The following MFSD6 variants were observed in gnomAD, a reference collection of about 807,000 sequenced individuals.
MFSD6 encodes major facilitator superfamily domain-containing protein 6.
MFSD6 carries 26 observed loss-of-function variants against 56.3 expected under a neutral mutation model. That is an observed-to-expected ratio of 0.46 (90% CI 0.34 to 0.64). The LOEUF is 0.64. Ranked by LOEUF, MFSD6 falls within the 30% of genes least tolerant of loss-of-function variation. The pLI is 0.01. For missense variants in MFSD6, 750 were observed against 986.2 expected (o/e 0.76, Z 3.21); for synonymous variants, 331 against 366.9 (o/e 0.90, Z 1.12).
At chr2:190,411,348 C>T (rs1047618578) in intron 1 of MFSD6, 9 of 462,994 alleles carry the variant, frequency 1.9e-5, no homozygotes, top group Non-Finnish European at 2.5e-5. Flanking sequence ...TTAGTAGAGA[C>T]GGGGTTTCAT....
At position 190,410,042 on chromosome 2, in the gene MFSD6, A is replaced by T. The variant is rs1417702497; in HGVS notation, c.-176+1539A>T. The stretch of plus-strand genomic sequence containing the variant: ...TCATGTTTACAGCAGTTTATTTCTA[A>T]GGCACTTTCCATCTCTATACAAATA... On this transcript the variant is annotated intron_variant, in intron 1 of 7. Transcript: ENST00000392328. The surrounding 1 kb of genome is among the most constrained non-coding windows in gnomAD (Gnocchi z 4.4). Among the ~76,000 whole-genome samples, 1 of 152,188 alleles carries T rather than the reference A, an allele frequency of 6.6e-6. No individual in the cohort carries two copies. Among genetic ancestry groups the T allele is most frequent in the African/African-American group, 2.4e-5 (1 of 41,434 alleles).
chr2:190,410,715 C>G lies in MFSD6; in HGVS notation c.-176+2212C>G, dbSNP rs1174454934. Among the ~76,000 whole-genome samples the G allele has an allele frequency of 6.6e-6, 1 of 152,116 alleles. No homozygotes were observed. The highest frequency in any genetic ancestry group is 1.5e-5 in the Non-Finnish European group (1 of 68,012). ...AGGAAGAAATGCAAAAAATGTGTGT[C>G]TGCTAGCTATTTTGCACATTGGCTG... On this transcript the variant is annotated intron_variant, in intron 1 of 7. Transcript: ENST00000392328. This position sits in a 1 kb window ranked among gnomAD's most constrained non-coding sequence, Gnocchi z 4.4.
rs1690061336 is a variant in MFSD6, at chr2:190,502,279, CTACCT to C, written c.*2064_*2068del. On this transcript the variant is annotated 3_prime_UTR_variant, in exon 8 of 8. Transcript: ENST00000392328. The surrounding 1 kb of genome is among the most constrained non-coding windows in gnomAD (Gnocchi z 4.4). ...CTTCCTGTCCCCAAAGTGCCATATGCTACCTTAAAAAATATTAAAGTGAATTCAAA... is the reference window on the plus strand; with the variant it reads ...CTTCCTGTCCCCAAAGTGCCATATGCTAAAAAATATTAAAGTGAATTCAAA... 3.3e-5 allele frequency: 5 copies of C among 152,302 alleles called. No individual in the cohort carries two copies. In the South Asian group the frequency reaches 1.0e-3, roughly 32 times the overall value. 9.4% of individuals were successfully genotyped at this position (152,302 alleles called of 1,614,324 possible).
At position 190,451,677 on chromosome 2, in the gene MFSD6, A is replaced by G. The variant is rs902520129; in HGVS notation, c.1532+14116A>G. 6.6e-6 allele frequency among the ~76,000 whole-genome samples: 1 copy of G among 152,238 alleles called. No individual in the cohort carries two copies. The highest frequency in any genetic ancestry group is 2.4e-5 in the African/African-American group (1 of 41,460). ...CCCTGAGGAAGTGGCATTTGAGCAG[A>G]GTCCTGAATGGAAGCCCCCAGTGAA... On this transcript the variant is annotated intron_variant, in intron 3 of 7. Transcript: ENST00000392328. The surrounding 1 kb of genome is among the most constrained non-coding windows in gnomAD (Gnocchi z 5.0).
chr2:190,430,158 C>T (rs554312844), intron 2 of MFSD6, among the ~76,000 whole-genome samples: 2 of 151,906 alleles, frequency 1.3e-5, no homozygotes, highest in East Asian at 3.9e-4. Flanking sequence ...CATCCATGTC[C>T]CTGCAAAGGA....
At chr2:190,466,391 T>C (rs549630224) in intron 3 of MFSD6, among the ~76,000 whole-genome samples, 1 of 152,366 alleles carries the variant, frequency 6.6e-6, no homozygotes, top group South Asian at 2.1e-4. Flanking sequence ...TGCCTTTTCA[T>C]AGATCCAAAT....
At position 190,487,211 on chromosome 2, in the gene MFSD6, G is replaced by A. The variant is rs1017821690; in HGVS notation, c.1631-1446G>A. On this transcript the variant is annotated intron_variant, in intron 4 of 7. Coordinates refer to ENST00000392328, the MANE Select transcript of MFSD6 (RefSeq NM_017694.4). This position sits in a 1 kb window ranked among gnomAD's most constrained non-coding sequence, Gnocchi z 5.5. ...CAAAAATTAGCTGGGGGTGGTGGCGGGCACTTGTAGTCCCAGCTACTTGGG... is the reference window on the plus strand; with the variant it reads ...CAAAAATTAGCTGGGGGTGGTGGCGAGCACTTGTAGTCCCAGCTACTTGGG... Among the ~76,000 whole-genome samples, 5 of 151,966 alleles carry A rather than the reference G, an allele frequency of 3.3e-5. No homozygotes were observed. The highest frequency in any genetic ancestry group is 7.4e-5 in the Non-Finnish European group (5 of 67,982).
chr2:190,437,802 G>GAA lies in MFSD6; in HGVS notation c.1532+244_1532+245dup, dbSNP rs979952043. On this transcript the variant is annotated intron_variant, in intron 3 of 7. Transcript: ENST00000392328. This position sits in a 1 kb window ranked among gnomAD's most constrained non-coding sequence, Gnocchi z 5.9. ...GCTTCCTCTGCTCTCCCACCCCACA[G>GAA]AAAAGACCTATAGGCTACCTAGCTG... Among the ~76,000 whole-genome samples the GAA allele has an allele frequency of 2.0e-5, 3 of 152,116 alleles. No homozygotes were observed. Among genetic ancestry groups the GAA allele is most frequent in the African/African-American group, 7.2e-5 (3 of 41,416 alleles).
intron 1 of MFSD6, chr2:190,411,368 C>T: frequency 1.8e-6 from 1 of 560,730 alleles, no homozygotes; most frequent in Non-Finnish European, 2.3e-6. Context: ...TCATGTTGGC[C>T]AGGATGGTCT....
rs1689794357 is a variant in MFSD6 at position 190,497,861 on chromosome 2, C to T, written c.2172+142C>T. ...AATAGACATGCAAACAATTTCAGTA[C>T]TCTGTGAGCACTGAGTTAAAGAGGG... On this transcript the variant is annotated intron_variant, in intron 7 of 7. Transcript: ENST00000392328. The surrounding 1 kb of genome is among the most constrained non-coding windows in gnomAD (Gnocchi z 5.2). 1 of 968,298 alleles carries T rather than the reference C, an allele frequency of 1.0e-6. No homozygotes were observed. The highest frequency in any genetic ancestry group is 1.5e-6 in the Non-Finnish European group (1 of 662,610). The allele number at this position is 968,298 out of a possible 1,614,324, so 60.0% of individuals were successfully genotyped here. A position where few individuals can be genotyped will look rare whatever the true frequency, so the allele number is the denominator to read the frequency against.
chr2:190,483,563 G>A (rs776506747), intron 4 of MFSD6, among the ~76,000 whole-genome samples: 7 of 152,118 alleles, frequency 4.6e-5, no homozygotes, highest in Non-Finnish European at 8.8e-5. Context: ...AGGGTTGGGC[G>A]CAGTGGCTCA....
Position 190,424,706 on chromosome 2 carries a change from T to C in MFSD6, c.-54+9293T>C, listed in dbSNP as rs138126985. ...TTGTTGAAAGGTTACCTTTCCACCA[T>C]TGAATTTTTTTTGCATCTTTGTTAA... is the stretch of plus-strand genomic sequence containing the variant. On this transcript the variant is annotated intron_variant, in intron 2 of 7. Transcript: ENST00000392328. The surrounding 1 kb of genome is among the most constrained non-coding windows in gnomAD (Gnocchi z 5.9). 5.7e-4 allele frequency among the ~76,000 whole-genome samples: 87 copies of C among 152,328 alleles called. 1 individual carries two copies. In the East Asian group the frequency reaches 0.013, roughly 23 times the overall value.
intron 4 of MFSD6, among the ~76,000 whole-genome samples, chr2:190,474,863 C>G (rs1484782514): frequency 6.6e-6 from 1 of 152,172 alleles, no homozygotes; most frequent in African/African-American, 2.4e-5. Context: ...AAAAGCTTAT[C>G]CACCATGATC....
At position 190,451,766 on chromosome 2, in the gene MFSD6, A is replaced by G. The variant is rs1283776885; in HGVS notation, c.1532+14205A>G. ...AGGGAGAGGGTAATAAAAGGACACC[A>G]GTGCACTGGACAAGGATCCTGGGAA... On this transcript the variant is annotated intron_variant, in intron 3 of 7. Transcript: ENST00000392328. The surrounding 1 kb of genome is among the most constrained non-coding windows in gnomAD (Gnocchi z 5.0). Among the ~76,000 whole-genome samples, 1 of 152,220 alleles carries G rather than the reference A, an allele frequency of 6.6e-6. No individual in the cohort carries two copies. The highest frequency in any genetic ancestry group is 1.5e-5 in the Non-Finnish European group (1 of 68,026).
At position 190,498,174 on chromosome 2, in the gene MFSD6, C is replaced by T. The variant is rs547635300; in HGVS notation, c.2172+455C>T. On this transcript the variant is annotated intron_variant, in intron 7 of 7. Coordinates refer to ENST00000392328, the MANE Select transcript of MFSD6 (RefSeq NM_017694.4). This position sits in a 1 kb window ranked among gnomAD's most constrained non-coding sequence, Gnocchi z 5.9. ...GTGGAATTATGGTTATGCAGGTGGC[C>T]TCACCTGAAAAATAAGTCTAAAAGT... is the stretch of plus-strand genomic sequence containing the variant. 6.6e-6 allele frequency among the ~76,000 whole-genome samples: 1 copy of T among 152,236 alleles called. No homozygotes were observed. Among genetic ancestry groups the T allele is most frequent in the East Asian group, 1.9e-4 (1 of 5,186 alleles).
At position 190,494,034 on chromosome 2, in the gene MFSD6, G is replaced by GA. The variant is rs372258727; in HGVS notation, c.1892-3397dup. The stretch of plus-strand genomic sequence containing the variant: ...AGAGAATAACTAAATGAAATTGAAG[G>GA]AAAAAAAATACAAAAAATAAATGAA... On this transcript the variant is annotated intron_variant, in intron 6 of 7. Transcript: ENST00000392328. The surrounding 1 kb of genome is among the most constrained non-coding windows in gnomAD (Gnocchi z 5.7). 1.3e-5 allele frequency among the ~76,000 whole-genome samples: 2 copies of GA among 148,538 alleles called. No homozygotes were observed. The highest frequency in any genetic ancestry group is 3.9e-4 in the East Asian group (2 of 5,102).
At chr2:190,422,640 T>G (rs952414199) in intron 2 of MFSD6, among the ~76,000 whole-genome samples, 1 of 152,214 alleles carries the variant, frequency 6.6e-6, no homozygotes, top group African/African-American at 2.4e-5. Context: ...AGGTAATTCG[T>G]TTGTCCCAGT....
intron 3 of MFSD6, among the ~76,000 whole-genome samples, chr2:190,455,060 G>A (rs1260813001): frequency 1.3e-5 from 2 of 151,878 alleles, no homozygotes; most frequent in Non-Finnish European, 2.9e-5. Context: ...GCCTGGAAAG[G>A]AACAGATTTG....
In MFSD6 at chr2:190,479,351, T is replaced by C. The variant is rs933556539; in HGVS notation, c.1631-9306T>C. Among the ~76,000 whole-genome samples the C allele has an allele frequency of 2.0e-5, 3 of 152,168 alleles. 1 individual carries two copies. In the East Asian group the frequency reaches 5.8e-4, roughly 29 times the overall value. On this transcript the variant is annotated intron_variant, in intron 4 of 7. Coordinates refer to ENST00000392328, the MANE Select transcript of MFSD6 (RefSeq NM_017694.4). ...ATACCATATAAAGAAGCAGAAAACA[T>C]ATTTCCTACCTATAAGAAATCTGCA...
Sources: allele counts gnomAD v4.1 joint callset (sites outside exome capture counted in the v4.1 genomes callset), GRCh38; gene constraint gnomAD v4.1.1; non-coding constraint Gnocchi (gnomAD v3.1); transcripts MANE v1.5; gene names NCBI Gene and HGNC (gene_info 2026-07-23, HGNC 2026-07-21).